Variants in KLK6 observed in about 807,000 individuals in gnomAD.
The protein encoded by KLK6 is kallikrein-6.
Under a neutral mutation model 21.7 loss-of-function variants are expected in KLK6, and 16 were observed. The ratio of observed to expected loss-of-function variants is 0.74; its 90% CI spans 0.50 to 1.12. The LOEUF (loss-of-function observed/expected upper bound fraction) is 1.12. KLK6 is among the 50% of genes most tolerant of loss of function. The pLI, the probability that KLK6 is intolerant of heterozygous loss-of-function variation, is 0.00. For synonymous variants in KLK6, 116 were observed against 120.1 expected (o/e 0.97, Z 0.22); for missense variants, 276 against 304.6 (o/e 0.91, Z 0.70).
At chr19:50,961,910 C>T (rs761097805) in intron 5 of KLK6, 30 bp from the exon 6 acceptor site, 1 of 1,606,354 alleles carries the variant, frequency 6.2e-7, no homozygotes, top group South Asian at 1.1e-5. Flanking sequence ...CCAGACTCAG[C>T]CCAGGCCTTG....
At chr19:50,969,275 G>T (rs749259604) in intron 1 of KLK6, among the ~76,000 whole-genome samples, 4 of 152,184 alleles carry the variant, frequency 2.6e-5, no homozygotes, top group East Asian at 1.9e-4. Flanking sequence ...AGTTCTAGTC[G>T]GCTCAGTCCT....
At chr19:50,960,929 C>A (rs1385496048) in intron 6 of KLK6, among the ~76,000 whole-genome samples, 1 of 152,160 alleles carries the variant, frequency 6.6e-6, no homozygotes, top group Admixed American at 6.6e-5. Flanking sequence ...CCACGCCCAG[C>A]TAATTTTTGT....
At chr19:50,960,568 C>T (rs1568536432) in intron 6 of KLK6, among the ~76,000 whole-genome samples, 3 of 152,114 alleles carry the variant, frequency 2.0e-5, no homozygotes, top group Admixed American at 2.0e-4. Context: ...AGTCCCCTCA[C>T]ACCATCTGCT....
intron 6 of KLK6, 123 bp downstream of exon 6, chr19:50,961,621 T>C (rs913614539): frequency 8.5e-7 from 1 of 1,175,006 alleles, no homozygotes; most frequent in South Asian, 1.6e-5. Flanking sequence ...TCCCTCAGCC[T>C]GTCTCTATCT....
intron 6 of KLK6, 98 bp downstream of exon 6, chr19:50,961,646 C>G (rs1272352005): frequency 6.9e-7 from 1 of 1,442,020 alleles, no homozygotes; most frequent in Non-Finnish European, 9.4e-7. Flanking sequence ...CTGTAAAGCT[C>G]TCTTTTGGCC....
chr19:50,960,111 GGATGGAGAGGGGGAGGAGGATGGGGA>G (rs2090816380), intron 6 of KLK6, among the ~76,000 whole-genome samples: 2 of 89,596 alleles, frequency 2.2e-5, no homozygotes, highest in Admixed American at 1.0e-4. Context: ...AGGGGGAGGA[GGATGGAGAGGGGGAGGAGGATGGGGA>G]GGGGGAGGAG....
intron 2 of KLK6, 176 bp downstream of exon 2, chr19:50,968,364 GA>G (rs2090959999): frequency 7.0e-6 from 4 of 570,392 alleles, no homozygotes; most frequent in African/African-American, 5.6e-5. Context: ...GTGAGATTCT[GA>G]TTAGATCTTT....
chr19:50,963,654 C>G, intron 4 of KLK6, 105 bp from the exon 5 acceptor site: 1 of 1,345,640 alleles, frequency 7.4e-7, no homozygotes, highest in Non-Finnish European at 1.0e-6. Flanking sequence ...CTCCCACAGT[C>G]TTCCCCAGCT....
intron 5 of KLK6, chr19:50,962,192 G>T: frequency 3.6e-6 from 1 of 279,176 alleles, no homozygotes. Flanking sequence ...CTCTTCCACT[G>T]GTCCCACCTT....
intron 4 of KLK6, among the ~76,000 whole-genome samples, chr19:50,964,898 C>T (rs955870135): frequency 6.6e-6 from 1 of 152,208 alleles, no homozygotes; most frequent in Non-Finnish European, 1.5e-5. Flanking sequence ...TCTGAGAATA[C>T]TCAAGACGGT....
intron 4 of KLK6, among the ~76,000 whole-genome samples, chr19:50,964,606 C>T (rs954392514): frequency 5.9e-5 from 9 of 152,196 alleles, no homozygotes; most frequent in African/African-American, 2.2e-4. Flanking sequence ...CCATATTAGA[C>T]AGTGCAGCTC....
At chr19:50,963,631 C>G in intron 4 of KLK6, 82 bp from the exon 5 acceptor site, 1 of 1,526,232 alleles carries the variant, frequency 6.6e-7, no homozygotes, top group Non-Finnish European at 8.9e-7. Flanking sequence ...AGTCATGAAT[C>G]GCTGGCCTGC....
In KLK6 at chr19:50,964,216, A is replaced by T. The variant is rs527705694; in HGVS notation, c.198-667T>A. ...CTGCCAGCAAGTCTGTCCTCCAAGT[A>T]TCTGCATAGCTCACTCCCTCACTTC... On this transcript the variant is annotated intron_variant, in intron 4 of 6. Transcript: ENST00000310157. 5.9e-5 allele frequency among the ~76,000 whole-genome samples: 9 copies of T among 152,262 alleles called. No individual in the cohort carries two copies. In the East Asian group the frequency reaches 7.7e-4, roughly 13 times the overall value.
chr19:50,964,542 G>A (rs180755819), intron 4 of KLK6, among the ~76,000 whole-genome samples: 2 of 152,260 alleles, frequency 1.3e-5, no homozygotes, highest in Admixed American at 1.3e-4. Flanking sequence ...TGTGGCTTGT[G>A]GATTTTCCAT....
chr19:50,967,245 T>C lies in KLK6; in HGVS notation c.121A>G (p.Thr41Ala). ...CCACCACAGAGCAAGTGGCCCGAGG[T>C]GTAGAGGGCAGCTTGGTAGGGGTGA... ...TSHPYQAALY[T>A]SGHLLCGGVL... The change falls in exon 4 of 7, where the codon ACC becomes GCC. Residue 41 changes from threonine to alanine, a missense_variant. Coordinates refer to ENST00000310157, the MANE Select transcript of KLK6 (RefSeq NM_002774.4). 1 of 1,613,984 alleles carries C rather than the reference T, an allele frequency of 6.2e-7. No homozygotes were observed. Among genetic ancestry groups the C allele is most frequent in the Non-Finnish European group, 8.5e-7 (1 of 1,179,980 alleles).
intron 4 of KLK6, among the ~76,000 whole-genome samples, chr19:50,966,006 T>G (rs144466233): frequency 1.3e-5 from 2 of 152,306 alleles, no homozygotes; most frequent in African/African-American, 4.8e-5. Context: ...GCCAGCTTTT[T>G]GGATGATCTC....
In KLK6 at chr19:50,964,861, C is replaced by T. The variant is rs150457145; in HGVS notation, c.198-1312G>A. The stretch of plus-strand genomic sequence containing the variant: ...CAACCTTATCTCCCAGCACCTTCTG[C>T]CCCCCAGTGAACGGGAAATTTTATT... On this transcript the variant is annotated intron_variant, in intron 4 of 6. Transcript: ENST00000310157. Among the ~76,000 whole-genome samples the T allele has an allele frequency of 3.9e-3, 594 of 152,296 alleles. 1 individual carries two copies. The highest frequency in any genetic ancestry group is 0.011 in the African/African-American group (463 of 41,560).
At chr19:50,968,488 A>G (rs1004875509) in intron 2 of KLK6, 53 bp downstream of exon 2, 5 of 263,590 alleles carry the variant, frequency 1.9e-5, no homozygotes, top group Admixed American at 4.7e-5. Flanking sequence ...CTCTGTGCGC[A>G]ATGGCCACCC....
At position 50,958,946 on chromosome 19, in the gene KLK6, A is replaced by T; in HGVS notation, c.*218T>A. On this transcript the variant is annotated 3_prime_UTR_variant, in exon 7 of 7. Transcript: ENST00000310157. ...GTATTCTCTTAGTGGTGGGGGTAAG[A>T]CCGAGGACCCAAGTCCTCACTCATC... 1.7e-6 allele frequency: 1 copy of T among 589,540 alleles called. No homozygotes were observed. The allele number at this position is 589,540 out of a possible 1,614,324, so 36.5% of individuals were successfully genotyped here.
Sources: gnomAD v4.1 joint callset for allele counts (sites outside exome capture counted in the v4.1 genomes callset) on GRCh38, gnomAD v4.1.1 for gene constraint, MANE v1.5 for transcripts, NCBI Gene and HGNC (gene_info 2026-07-23, HGNC 2026-07-21) for gene names.